CACNA1B: variants seen among roughly 807,000 people sequenced by gnomAD.
CACNA1B encodes calcium voltage-gated channel subunit alpha1 B.
In CACNA1B, 70 loss-of-function variants were observed where a neutral mutation model predicts 247.2. That is an observed-to-expected ratio of 0.28 (90% confidence interval 0.23 to 0.35). CACNA1B has a LOEUF of 0.35. CACNA1B is among the 10% of genes least tolerant of loss of function. The pLI is 1.00. For missense variants in CACNA1B, 2,367 were observed against 3,197.4 expected (o/e 0.74, Z 6.26); for synonymous variants, 1,231 against 1,294.4 (o/e 0.95, Z 1.05).
chr9:137,916,749 T>C (rs1164580468), intron 5 of CACNA1B, among the ~76,000 whole-genome samples: 1 of 143,930 alleles, frequency 6.9e-6, no homozygotes, highest in South Asian at 2.3e-4. Flanking sequence ...GTGAGGGAGG[T>C]AGTTTGGCTG....
intron 6 of CACNA1B, among the ~76,000 whole-genome samples, chr9:137,918,590 G>T (rs1188935625): frequency 6.6e-6 from 1 of 152,024 alleles, no homozygotes; most frequent in African/African-American, 2.4e-5. Context: ...GTCCACGTGT[G>T]CCTGGGAGCC....
At chr9:138,110,690 C>G (rs1961597067) in intron 39 of CACNA1B, among the ~76,000 whole-genome samples, 1 of 152,182 alleles carries the variant, frequency 6.6e-6, no homozygotes, top group Non-Finnish European at 1.5e-5. Context: ...TGTGATCATA[C>G]TACTGCACTC....
chr9:137,901,179 T>C (rs1588992597), intron 3 of CACNA1B, among the ~76,000 whole-genome samples: 1 of 151,434 alleles, frequency 6.6e-6, no homozygotes, highest in African/African-American at 2.4e-5. Flanking sequence ...TGTCTCTGTG[T>C]CCCTGTGTCA....
intron 31 of CACNA1B, among the ~76,000 whole-genome samples, chr9:138,068,921 C>G (rs1331376230): frequency 6.6e-6 from 1 of 152,236 alleles, no homozygotes; most frequent in Non-Finnish European, 1.5e-5. Context: ...GACCCACACT[C>G]CGTCCCTCAG....
intron 6 of CACNA1B, among the ~76,000 whole-genome samples, chr9:137,925,465 T>G (rs774095119): frequency 3.9e-5 from 6 of 152,228 alleles, no homozygotes; most frequent in Non-Finnish European, 7.3e-5. Flanking sequence ...CAACCTTTGC[T>G]ATGTTGTTCC....
chr9:137,907,526 G>T (rs538601541), intron 3 of CACNA1B, among the ~76,000 whole-genome samples: 18 of 152,220 alleles, frequency 1.2e-4, no homozygotes, highest in African/African-American at 3.9e-4. Context: ...ATGTCAAGTG[G>T]CAGCTCTTCG....
At chr9:137,991,598 C>G (rs1958432361) in intron 15 of CACNA1B, among the ~76,000 whole-genome samples, 1 of 152,168 alleles carries the variant, frequency 6.6e-6, no homozygotes, top group Non-Finnish European at 1.5e-5. Flanking sequence ...TTGCAAAATT[C>G]ATTGCAGAAG....
chr9:138,008,067 C>G (rs553856105), intron 16 of CACNA1B, among the ~76,000 whole-genome samples: 1 of 152,280 alleles, frequency 6.6e-6, no homozygotes, highest in South Asian at 2.1e-4. Context: ...GGGGATCCAG[C>G]CTTCCTGGGA....
intron 35 of CACNA1B, among the ~76,000 whole-genome samples, chr9:138,076,462 G>A (rs914432539): frequency 2.0e-5 from 3 of 152,186 alleles, no homozygotes; most frequent in African/African-American, 7.2e-5. Flanking sequence ...TCTCATGGGA[G>A]CTGCCGTTCC....
chr9:138,117,573 C>G (rs1319052645), intron 42 of CACNA1B, among the ~76,000 whole-genome samples: 3 of 152,228 alleles, frequency 2.0e-5, no homozygotes, highest in Admixed American at 6.5e-5. Context: ...CAAGGACAAC[C>G]CCTGCTCCCA....
intron 3 of CACNA1B, among the ~76,000 whole-genome samples, chr9:137,908,730 A>C (rs1232303680): frequency 2.8e-4 from 38 of 137,582 alleles, no homozygotes; most frequent in Middle Eastern, 6.2e-3. Context: ...TCCTGGGTTC[A>C]CGCCATTCTC....
At chr9:137,949,301 CTGG>C (rs1423274679) in intron 6 of CACNA1B, among the ~76,000 whole-genome samples, 1 of 1,550 alleles carries the variant, frequency 6.5e-4, no homozygotes, top group African/African-American at 3.0e-3. Flanking sequence ...TCCTTTGTGT[CTGG>C]TGTGTGTGGT....
At chr9:138,068,708 G>GC in intron 31 of CACNA1B, 3 of 498,166 alleles carry the variant, frequency 6.0e-6, no homozygotes, top group Non-Finnish European at 8.0e-6. Flanking sequence ...GCGTGTGTGT[G>GC]CCTCCTTTCC....
intron 20 of CACNA1B, among the ~76,000 whole-genome samples, chr9:138,031,154 C>A (rs1046557652): frequency 1.3e-5 from 2 of 152,048 alleles, no homozygotes; most frequent in Non-Finnish European, 2.9e-5. Context: ...TTGAGTCTTT[C>A]CTTCTTTTCT....
At chr9:137,997,204 C>CTCCA (rs953127198) in intron 15 of CACNA1B, among the ~76,000 whole-genome samples, 19 of 152,292 alleles carry the variant, frequency 1.2e-4, no homozygotes, top group Admixed American at 1.2e-3. Context: ...GCTCATTGTA[C>CTCCA]TCCACTCTGT....
Position 138,025,046 on chromosome 9 carries a change from C to A in CACNA1B, c.3160C>A (p.Gln1054Lys). Residue 1054 changes from glutamine (Q) to lysine (K), a missense_variant, in exon 20 of 47, where the codon CAG becomes AAG. By Grantham distance (53) the Gln-to-Lys change is moderately conservative. This residue lies in a region of CACNA1B where 631 missense variants were observed against 631.1 expected (regional missense o/e 1.00). Coordinates refer to ENST00000371372, the MANE Select transcript of CACNA1B (RefSeq NM_000718.4). Reference protein sequence around the residue: ...PSTCLQKVEEQPEDADNQRNV... With the variant: ...PSTCLQKVEEKPEDADNQRNV... ...CACCTGTCTCCAGAAGGTGGAGGAA[C>A]AGCCAGAGGATGCAGACAATCAGCG... 6.2e-7 allele frequency: 1 copy of A among 1,610,406 alleles called. No homozygotes were observed. Among genetic ancestry groups the A allele is most frequent in the African/African-American group, 1.3e-5 (1 of 75,002 alleles).
chr9:137,955,104 G>C lies in CACNA1B; in HGVS notation c.1071-594G>C, dbSNP rs1252908475. Among the ~76,000 whole-genome samples the C allele has an allele frequency of 2.0e-5, 3 of 152,114 alleles. No homozygotes were observed. The highest frequency in any genetic ancestry group is 2.0e-4 in the Admixed American group (3 of 15,276). On this transcript the variant is annotated intron_variant, in intron 7 of 46. Coordinates refer to ENST00000371372, the MANE Select transcript of CACNA1B (RefSeq NM_000718.4). This position sits in a 1 kb window ranked among gnomAD's most constrained non-coding sequence, Gnocchi z 6.9. ...CAGAAGGTCTCCTCTCCTGCTCACT[G>C]TGAGCCTCAGAGGCTTGGTTGAGGA...
At chr9:137,946,602 GAA>G (rs377113014) in intron 6 of CACNA1B, among the ~76,000 whole-genome samples, 1 of 135,598 alleles carries the variant, frequency 7.4e-6, no homozygotes, top group African/African-American at 2.7e-5. Context: ...GAAAAACTGA[GAA>G]AAAAAAAAAA....
At chr9:137,943,681 C>G (rs1328485299) in intron 6 of CACNA1B, among the ~76,000 whole-genome samples, 4 of 152,118 alleles carry the variant, frequency 2.6e-5, no homozygotes, top group African/African-American at 4.8e-5. Context: ...AACAAGGGCC[C>G]TGAGCTTTAC....
Sources: gnomAD v4.1 joint callset for allele counts (sites outside exome capture counted in the v4.1 genomes callset) on GRCh38, gnomAD v4.1.1 for gene constraint, gnomAD v4.1.1 regional missense constraint, Gnocchi (gnomAD v3.1) non-coding constraint, MANE v1.5 for transcripts, NCBI Gene and HGNC (gene_info 2026-07-23, HGNC 2026-07-21) for gene names.